PRKAG2: variants seen among roughly 807,000 people sequenced by gnomAD.
PRKAG2 encodes 5'-AMP-activated protein kinase subunit gamma-2.
In PRKAG2, 26 loss-of-function variants were observed where a neutral mutation model predicts 69.6. The ratio of observed to expected loss-of-function variants is 0.37; its 90% CI spans 0.27 to 0.52. The LOEUF (loss-of-function observed/expected upper bound fraction) is 0.52, where lower values mean the gene tolerates loss of function less well. Ranked by LOEUF, PRKAG2 falls within the 20% of genes least tolerant of loss-of-function variation. The pLI is 0.90. For synonymous variants in PRKAG2, 293 were observed against 285.0 expected (o/e 1.03, Z -0.28); for missense variants, 557 against 740.0 (o/e 0.75, Z 2.87).
chr7:151,569,112 C>A (rs1198761383), intron 10 of PRKAG2, among the ~76,000 whole-genome samples: 1 of 152,150 alleles, frequency 6.6e-6, no homozygotes, highest in Non-Finnish European at 1.5e-5. Flanking sequence ...CTGTTGCCTG[C>A]CGTCATGGCT....
At chr7:151,643,227 A>G (rs961035457) in intron 4 of PRKAG2, among the ~76,000 whole-genome samples, 4 of 152,234 alleles carry the variant, frequency 2.6e-5, no homozygotes, top group African/African-American at 2.4e-5. Context: ...CTTATAATAC[A>G]TTGCAAATAA....
chr7:151,822,256 A>G (rs1586669024), intron 1 of PRKAG2, among the ~76,000 whole-genome samples: 1 of 152,128 alleles, frequency 6.6e-6, no homozygotes, highest in Non-Finnish European at 1.5e-5. Flanking sequence ...GGAGGCCTCG[A>G]GCCCAGGAAC....
intron 1 of PRKAG2, among the ~76,000 whole-genome samples, chr7:151,830,789 G>GGGC (rs1554614485): frequency 1.2e-5 from 1 of 81,634 alleles, no homozygotes; most frequent in African/African-American, 3.9e-5. Flanking sequence ...GGGCGGGGCG[G>GGGC]GGGGGGGTTG....
chr7:151,844,952 G>A (rs1109275), intron 1 of PRKAG2, among the ~76,000 whole-genome samples: 1 of 150,050 alleles, frequency 6.7e-6, no homozygotes, highest in African/African-American at 2.5e-5. Flanking sequence ...AAACCTCCCT[G>A]GGACACGGGG....
intron 15 of PRKAG2, chr7:151,559,755 A>G (rs1263884180): frequency 2.0e-6 from 2 of 985,358 alleles, no homozygotes; most frequent in Non-Finnish European, 2.4e-6. Flanking sequence ...TTCAAAGGGC[A>G]TGCTGTTTGC....
At position 151,756,482 on chromosome 7, in the gene PRKAG2, C is replaced by T. The variant is rs924906025; in HGVS notation, c.466+24670G>A. Among the ~76,000 whole-genome samples, 12 of 152,242 alleles carry T rather than the reference C, an allele frequency of 7.9e-5. No homozygotes were observed. The highest frequency in any genetic ancestry group is 2.9e-4 in the African/African-American group (12 of 41,466). ...GCCTCCAGGCGAGCGGGTACCTGCG[C>T]TGCTCTCATGCTCAATCCTCACCCC... On this transcript the variant is annotated intron_variant, in intron 3 of 15. Coordinates refer to ENST00000287878, the MANE Select transcript of PRKAG2 (RefSeq NM_016203.4). The surrounding 1 kb of genome is among the most constrained non-coding windows in gnomAD (Gnocchi z 4.9).
In PRKAG2 at chr7:151,773,237, GGAAAGAAAGAAGGAAA is replaced by G. The variant is rs1398088080; in HGVS notation, c.466+7899_466+7914del. 9.5e-5 allele frequency among the ~76,000 whole-genome samples: 14 copies of G among 147,836 alleles called. 1 individual carries two copies. The South Asian group carries it at 2.8e-3, about 30-fold the overall frequency. On this transcript the variant is annotated intron_variant, in intron 3 of 15. Transcript: ENST00000287878. ...AAAGAAAGGAAGGAAAGAAAGGAAA[GGAAAGAAAGAAGGAAA>G]GAAAGAAAGAAAGAGAAAGAAAGAG...
intron 3 of PRKAG2, among the ~76,000 whole-genome samples, chr7:151,688,195 T>A (rs1454812764): frequency 6.6e-6 from 1 of 152,154 alleles, no homozygotes; most frequent in Non-Finnish European, 1.5e-5. Flanking sequence ...AAAGGCTTCC[T>A]GGCCCTGGCG....
At chr7:151,572,430 A>G (rs1807796141) in intron 9 of PRKAG2, 5 of 358,096 alleles carry the variant, frequency 1.4e-5, no homozygotes, top group Non-Finnish European at 2.5e-5. Flanking sequence ...GCCCTAGGAT[A>G]AGGCCTTGCC....
At chr7:151,698,032 C>G (rs1397775090) in intron 3 of PRKAG2, among the ~76,000 whole-genome samples, 1 of 152,194 alleles carries the variant, frequency 6.6e-6, no homozygotes, top group Non-Finnish European at 1.5e-5. Flanking sequence ...GAAGCAGGCA[C>G]TGTTGATGCC....
rs184224669 is a variant in PRKAG2 at position 151,814,749 on chromosome 7, T to C, written c.115-28208A>G. 5.6e-4 allele frequency: 675 copies of C among 1,201,836 alleles called. 5 individuals carry two copies. The African/African-American group carries it at 9.8e-3, about 18-fold the overall frequency. 74.4% of individuals were successfully genotyped at this position (1,201,836 alleles called of 1,614,324 possible). On this transcript the variant is annotated intron_variant, in intron 1 of 15. Coordinates refer to ENST00000287878, the MANE Select transcript of PRKAG2 (RefSeq NM_016203.4). The surrounding 1 kb of genome is among the most constrained non-coding windows in gnomAD (Gnocchi z 4.8). ...TGGCCTAAGACAGCGCAGGCAACGG[T>C]CTTGGTGGCTGGAGCTGCTTTGCTG...
intron 1 of PRKAG2, among the ~76,000 whole-genome samples, chr7:151,874,033 GTA>G (rs1351028428): frequency 2.0e-5 from 3 of 147,548 alleles, no homozygotes; most frequent in Non-Finnish European, 4.5e-5. Flanking sequence ...TGATGTATAT[GTA>G]TATGATGTAT....
intron 6 of PRKAG2, among the ~76,000 whole-genome samples, chr7:151,580,895 G>A (rs4726054): frequency 0.2 from 30,896 of 151,626 alleles, 3,996 homozygotes; most frequent in East Asian, 0.43. Context: ...TGATGGCACA[G>A]CAGGGTGACT....
intron 3 of PRKAG2, among the ~76,000 whole-genome samples, chr7:151,729,353 C>G (rs1206676160): frequency 5.4e-5 from 8 of 149,528 alleles, no homozygotes; most frequent in Non-Finnish European, 1.0e-4. Flanking sequence ...ACACATCCAG[C>G]AGAACAATGG....
At chr7:151,723,342 C>T (rs1797420748) in intron 3 of PRKAG2, among the ~76,000 whole-genome samples, 1 of 152,130 alleles carries the variant, frequency 6.6e-6, no homozygotes, top group African/African-American at 2.4e-5. Flanking sequence ...CTGGCTCAAG[C>T]CTAAGAATTG....
intron 4 of PRKAG2, among the ~76,000 whole-genome samples, chr7:151,659,532 A>G (rs1829995298): frequency 6.6e-6 from 1 of 152,248 alleles, no homozygotes; most frequent in African/African-American, 2.4e-5. Context: ...ATATCTTAAC[A>G]CAGGGGTTCA....
At chr7:151,571,033 A>G (rs1807430167) in intron 9 of PRKAG2, among the ~76,000 whole-genome samples, 1 of 151,112 alleles carries the variant, frequency 6.6e-6, no homozygotes, top group Admixed American at 6.6e-5. Context: ...AGCCTCCCAA[A>G]GTGCTGGGAT....
intron 2 of PRKAG2, among the ~76,000 whole-genome samples, chr7:151,782,380 AGAAGGAAG>A (rs878861161): frequency 0.027 from 1,662 of 61,202 alleles, 21 homozygotes; most frequent in Non-Finnish European, 0.038. Flanking sequence ...AGGGAAGGAA[AGAAGGAAG>A]GAAGGAAGGA....
intron 3 of PRKAG2, among the ~76,000 whole-genome samples, chr7:151,734,941 G>A (rs920538945): frequency 3.7e-5 from 5 of 135,942 alleles, no homozygotes; most frequent in Non-Finnish European, 7.5e-5. Context: ...TGCAACCTCT[G>A]CCTCCTGGGT....
Sources: allele counts gnomAD v4.1 joint callset (sites outside exome capture counted in the v4.1 genomes callset), GRCh38; gene constraint gnomAD v4.1.1; non-coding constraint Gnocchi (gnomAD v3.1); transcripts MANE v1.5; gene names NCBI Gene and HGNC (gene_info 2026-07-23, HGNC 2026-07-21).